The following USP31 variants were observed in gnomAD, a reference collection of about 807,000 sequenced individuals.
USP31 encodes the protein ubiquitin specific peptidase 31.
USP31 carries 44 observed loss-of-function variants against 119.4 expected under a neutral mutation model. The observed-to-expected ratio is 0.37, with a 90% CI of 0.29 to 0.47. The LOEUF is 0.47. Among genes scored for constraint, USP31 ranks in the 20% least tolerant of loss-of-function variants. The pLI is 0.99. For missense variants in USP31, 1,643 were observed against 1,730.2 expected, an observed-to-expected ratio of 0.95 and a Z score of 0.89; for synonymous variants, 749 against 705.6, an observed-to-expected ratio of 1.06 and a Z score of -0.97.
chr16:23,074,958 A>G (rs377420726), intron 13 of USP31, among the ~76,000 whole-genome samples: 33 of 152,210 alleles, frequency 2.2e-4, no homozygotes, highest in African/African-American at 8.0e-4. Flanking sequence ...CAGACTCAGG[A>G]TGGCCCCAGG....
intron 1 of USP31, among the ~76,000 whole-genome samples, chr16:23,146,390 A>G (rs1057192194): frequency 2.0e-5 from 3 of 152,042 alleles, no homozygotes; most frequent in African/African-American, 4.8e-5. Context: ...CTGGGCATGT[A>G]GCGGGCGCCT....
rs530025172 is a variant in USP31, at chr16:23,073,683, C to T, written c.2335+39G>A. Reference sequence around the variant, plus strand: ...CTAGACCATTCATTACAATCTTTTGCTCTGGAAAAAACTGCCCAAGAACAA... The same window carrying T: ...CTAGACCATTCATTACAATCTTTTGTTCTGGAAAAAACTGCCCAAGAACAA... On this transcript the variant is annotated intron_variant, in intron 14 of 15. Transcript: ENST00000219689. 1.8e-4 allele frequency: 289 copies of T among 1,602,014 alleles called. 5 individuals carry two copies. The South Asian group carries it at 3.1e-3, about 17-fold the overall frequency.
At chr16:23,077,197 C>G (rs1900614193) in intron 13 of USP31, among the ~76,000 whole-genome samples, 1 of 152,204 alleles carries the variant, frequency 6.6e-6, no homozygotes, top group Admixed American at 6.5e-5. Context: ...CTTCCTACAG[C>G]AGGCAGAGGC....
At chr16:23,087,325 T>A in intron 8 of USP31, 139 bp from the exon 9 acceptor site, 1 of 711,896 alleles carries the variant, frequency 1.4e-6, no homozygotes, top group Non-Finnish European at 2.3e-6. Context: ...TCTATAAGGT[T>A]GTTGAGCCAC....
chr16:23,083,331 C>T (rs1900922520), intron 11 of USP31, among the ~76,000 whole-genome samples: 1 of 152,118 alleles, frequency 6.6e-6, no homozygotes, highest in South Asian at 2.1e-4. Flanking sequence ...ACTTTGCTTC[C>T]TTTATTTACT....
intron 12 of USP31, 103 bp from the exon 13 acceptor site, chr16:23,080,274 T>C (rs1900759571): frequency 2.1e-6 from 2 of 966,082 alleles, no homozygotes; most frequent in South Asian, 3.4e-5. Flanking sequence ...GCGGTGTGAG[T>C]TACCTATCTG....
At chr16:23,101,465 G>A (rs1901854012) in intron 6 of USP31, among the ~76,000 whole-genome samples, 1 of 152,158 alleles carries the variant, frequency 6.6e-6, no homozygotes, top group African/African-American at 2.4e-5. Flanking sequence ...AAGAAAAGTG[G>A]AGGCTAGTGG....
intron 5 of USP31, among the ~76,000 whole-genome samples, chr16:23,104,848 A>C (rs188283815): frequency 1.3e-5 from 2 of 152,346 alleles, no homozygotes; most frequent in Admixed American, 1.3e-4. Flanking sequence ...CAAACAGGTC[A>C]AAAGTATTTT....
At chr16:23,120,157 G>T (rs1408992581) in intron 1 of USP31, among the ~76,000 whole-genome samples, 1 of 151,980 alleles carries the variant, frequency 6.6e-6, no homozygotes, top group Non-Finnish European at 1.5e-5. Flanking sequence ...TTTTAAGGAG[G>T]AAGGGGGGAA....
At chr16:23,116,782 T>C (rs1375989532) in intron 1 of USP31, among the ~76,000 whole-genome samples, 1 of 152,042 alleles carries the variant, frequency 6.6e-6, no homozygotes, top group Non-Finnish European at 1.5e-5. Context: ...CAGGGGACCC[T>C]GGTGGGAGAG....
chr16:23,122,991 T>C (rs1053330014), intron 1 of USP31, among the ~76,000 whole-genome samples: 1 of 152,196 alleles, frequency 6.6e-6, no homozygotes, highest in Non-Finnish European at 1.5e-5. Context: ...ATTTCACTCA[T>C]AATAAAGTCC....
At position 23,106,505 on chromosome 16, in the gene USP31, T is replaced by C. The variant is rs1412677801; in HGVS notation, c.772-18A>G. On this transcript the variant is annotated intron_variant, in intron 2 of 15. Coordinates refer to ENST00000219689, the MANE Select transcript of USP31 (RefSeq NM_020718.4). Reference sequence around the variant, plus strand: ...GATGGTGGCTAAAAAAAAAAGAAAGTACAACTTCACAGACTAGAAAGACCA... The same window carrying C: ...GATGGTGGCTAAAAAAAAAAGAAAGCACAACTTCACAGACTAGAAAGACCA... The C allele has an allele frequency of 3.1e-6, 5 of 1,590,242 alleles. No individual in the cohort carries two copies. Among genetic ancestry groups the C allele is most frequent in the East Asian group, 2.2e-5 (1 of 44,760 alleles).
At chr16:23,096,549 GCAC>G (rs1244363332) in intron 6 of USP31, among the ~76,000 whole-genome samples, 2 of 152,138 alleles carry the variant, frequency 1.3e-5, no homozygotes, top group Non-Finnish European at 2.9e-5. Flanking sequence ...ATTCTTCTCA[GCAC>G]CACATCGCAC....
intron 4 of USP31, among the ~76,000 whole-genome samples, chr16:23,105,994 C>A (rs1902084983): frequency 1.3e-5 from 2 of 152,148 alleles, no homozygotes; most frequent in African/African-American, 2.4e-5. Context: ...GGATGACGAA[C>A]TGGGCCAGAC....
chr16:23,144,464 G>C (rs1418935305), intron 1 of USP31, among the ~76,000 whole-genome samples: 2 of 151,932 alleles, frequency 1.3e-5, no homozygotes, highest in South Asian at 4.2e-4. Flanking sequence ...CCACCTTCTG[G>C]TGTTTACCTT....
chr16:23,127,417 T>C (rs1902894470), intron 1 of USP31, among the ~76,000 whole-genome samples: 1 of 151,206 alleles, frequency 6.6e-6, no homozygotes, highest in Non-Finnish European at 1.5e-5. Context: ...ATATTCTATC[T>C]CAAAGAAAAA....
At position 23,105,572 on chromosome 16, in the gene USP31, G is replaced by A; in HGVS notation, c.958C>T (p.Leu320Phe). Reference protein sequence around the residue: ...LPIPLPHTRPLYVTVVYQGKC... With the variant: ...LPIPLPHTRPFYVTVVYQGKC... ...CCTTGATACACTACAGTGACATAGAGAGGCCTGTACAGATCAAAGTCAGAT... is the reference window on the plus strand; with the variant it reads ...CCTTGATACACTACAGTGACATAGAAAGGCCTGTACAGATCAAAGTCAGAT... The change falls in exon 5 of 16, where the codon CTC becomes TTC. Residue 320 changes from leucine to phenylalanine, a missense_variant. Leu to Phe is a conservative substitution (Grantham distance 22, BLOSUM62 0). Around this residue, in one of 5 missense-constraint regions of USP31, gnomAD observed 144 missense variants for 218.0 expected, o/e 0.66. Transcript: ENST00000219689. 6.2e-7 allele frequency: 1 copy of A among 1,613,472 alleles called. No individual in the cohort carries two copies.
At position 23,142,758 on chromosome 16, in the gene USP31, G is replaced by T. The variant is rs141540429; in HGVS notation, c.633+5880C>A. On this transcript the variant is annotated intron_variant, in intron 1 of 15. Transcript: ENST00000219689. Reference sequence around the variant, plus strand: ...TGTGGAGCTTTGCTAAAACTCAAGTGATGGCATTTGATGGACCAGAGAACT... The same window carrying T: ...TGTGGAGCTTTGCTAAAACTCAAGTTATGGCATTTGATGGACCAGAGAACT... Among the ~76,000 whole-genome samples the T allele has an allele frequency of 1.8e-3, 277 of 152,284 alleles. 4 individuals carry two copies. The highest frequency in any genetic ancestry group is 6.3e-3 in the African/African-American group (260 of 41,568).
At chr16:23,093,929 C>T (rs1392139254) in intron 6 of USP31, among the ~76,000 whole-genome samples, 3 of 152,190 alleles carry the variant, frequency 2.0e-5, no homozygotes, top group Admixed American at 1.3e-4. Context: ...CCAGCATGAT[C>T]GATGCAGAAG....
Sources: allele counts gnomAD v4.1 joint callset (sites outside exome capture counted in the v4.1 genomes callset), GRCh38; gene constraint gnomAD v4.1.1; regional missense constraint gnomAD v4.1.1; transcripts MANE v1.5; gene names NCBI Gene and HGNC (gene_info 2026-07-23, HGNC 2026-07-21).